The following ARHGAP19 variants were observed in gnomAD, a reference collection of about 807,000 sequenced individuals.
The protein encoded by ARHGAP19 is Rho GTPase activating protein 19.
ARHGAP19 carries 48 observed loss-of-function variants against 60.9 expected under a neutral mutation model. The ratio of observed to expected loss-of-function variants is 0.79; its 90% CI spans 0.62 to 1.00. The LOEUF (loss-of-function observed/expected upper bound fraction) is 1.00. ARHGAP19 is among the 50% of genes least tolerant of loss of function. The pLI, the probability that ARHGAP19 is intolerant of heterozygous loss-of-function variation, is 0.00. For synonymous variants in ARHGAP19, 209 were observed against 215.5 expected (o/e 0.97, Z 0.27); for missense variants, 562 against 597.2 (o/e 0.94, Z 0.61).
chr10:97,270,693 C>T (rs1842950382), intron 1 of ARHGAP19: 1 of 1,540,370 alleles, frequency 6.5e-7, no homozygotes, highest in Admixed American at 2.1e-5. Context: ...CAAAGAAACT[C>T]TCCTTTCCCT....
chr10:97,226,406 G>A (rs1193741159), intron 11 of ARHGAP19, among the ~76,000 whole-genome samples: 1 of 152,150 alleles, frequency 6.6e-6, no homozygotes, highest in Non-Finnish European at 1.5e-5. Flanking sequence ...ACAATAACCA[G>A]TATATGAGGT....
chr10:97,250,717 A>C lies in ARHGAP19; in HGVS notation c.928-4380T>G, dbSNP rs1042717843. On this transcript the variant is annotated intron_variant, in intron 6 of 11. Coordinates refer to ENST00000358531, the MANE Select transcript of ARHGAP19 (RefSeq NM_032900.6). ...ATTGAAAAACTATAAAACGGAGCTT[A>C]AGACCAACAGAAATTTTCTCCAAAC... Among the ~76,000 whole-genome samples the C allele has an allele frequency of 6.7e-5, 10 of 149,466 alleles. 1 individual carries two copies. The highest frequency in any genetic ancestry group is 4.7e-4 in the Admixed American group (7 of 14,762).
In ARHGAP19 at chr10:97,264,783, T is replaced by G. The variant is rs777261584; in HGVS notation, c.403+43A>C. The G allele has an allele frequency of 6.8e-6, 10 of 1,476,666 alleles. No individual in the cohort carries two copies. In the Admixed American group the frequency reaches 1.0e-4, roughly 15 times the overall value. 91.5% of individuals were successfully genotyped at this position (1,476,666 alleles called of 1,614,324 possible). On this transcript the variant is annotated intron_variant, in intron 3 of 11. Coordinates refer to ENST00000358531, the MANE Select transcript of ARHGAP19 (RefSeq NM_032900.6). ...AGTTAGCTCTCAACAGAAAACAGAA[T>G]TCTTCATTAAACAAAGAATGATAAA... is the stretch of plus-strand genomic sequence containing the variant.
At chr10:97,260,053 T>C (rs557870490) in intron 4 of ARHGAP19, among the ~76,000 whole-genome samples, 42 of 150,178 alleles carry the variant, frequency 2.8e-4, no homozygotes, top group Admixed American at 1.4e-3. Flanking sequence ...GTCAGGATGG[T>C]CTCGATCTCC....
At chr10:97,235,957 G>C (rs1842371798) in intron 8 of ARHGAP19, among the ~76,000 whole-genome samples, 1 of 152,058 alleles carries the variant, frequency 6.6e-6, no homozygotes, top group Non-Finnish European at 1.5e-5. Flanking sequence ...CTACTCTTCT[G>C]CCTTTTCAGA....
At position 97,246,275 on chromosome 10, in the gene ARHGAP19, T is replaced by C. The variant is rs774903050; in HGVS notation, c.990A>G (p.Ser330=). The C allele has an allele frequency of 6.2e-7, 1 of 1,613,434 alleles. No homozygotes were observed. Residue 330 remains serine (S), a synonymous_variant, in exon 7 of 12, where the codon TCA becomes TCG. Coordinates refer to ENST00000358531, the MANE Select transcript of ARHGAP19 (RefSeq NM_032900.6). ...LHYLGSRTQA[S]KDDLDLIASC... is the part of the protein sequence containing the mutation. ...AAGAGCAGATTCCTATTCTTACCTT[T>C]GATGCCTGAGTTCTGGATCCCAAAT...
intron 9 of ARHGAP19, among the ~76,000 whole-genome samples, chr10:97,231,418 T>A (rs1345160857): frequency 2.0e-5 from 3 of 152,108 alleles, no homozygotes; most frequent in Non-Finnish European, 4.4e-5. Flanking sequence ...AACTTTCTCA[T>A]CCTCCCAAAC....
intron 1 of ARHGAP19, among the ~76,000 whole-genome samples, chr10:97,283,159 A>G (rs572528727): frequency 1.3e-5 from 2 of 152,242 alleles, no homozygotes; most frequent in Non-Finnish European, 2.9e-5. Flanking sequence ...TGTAGTTTCT[A>G]TGGCCTAGCT....
rs1404177007 is a variant in ARHGAP19, at chr10:97,226,097, A to T, written c.*25T>A. ...CCACTAAACAGAAAATTCTGCATGG[A>T]CCATAGGAGACAACTCTGGATCCTT... is the stretch of plus-strand genomic sequence containing the variant. On this transcript the variant is annotated 3_prime_UTR_variant, in exon 12 of 12. Coordinates refer to ENST00000358531, the MANE Select transcript of ARHGAP19 (RefSeq NM_032900.6). The T allele has an allele frequency of 3.1e-6, 5 of 1,613,204 alleles. No individual in the cohort carries two copies. The highest frequency in any genetic ancestry group is 4.2e-6 in the Non-Finnish European group (5 of 1,179,368).
At chr10:97,236,926 A>C (rs1842389484) in intron 8 of ARHGAP19, among the ~76,000 whole-genome samples, 1 of 152,112 alleles carries the variant, frequency 6.6e-6, no homozygotes, top group South Asian at 2.1e-4. Context: ...TGAACACAGG[A>C]CTGTGAAACA....
At chr10:97,272,494 A>T (rs1433127305) in intron 1 of ARHGAP19, among the ~76,000 whole-genome samples, 1 of 152,160 alleles carries the variant, frequency 6.6e-6, no homozygotes, top group Non-Finnish European at 1.5e-5. Context: ...AATATGTGAC[A>T]GAATTGGCAG....
At chr10:97,245,180 C>T (rs1196655182) in intron 7 of ARHGAP19, among the ~76,000 whole-genome samples, 1 of 151,874 alleles carries the variant, frequency 6.6e-6, no homozygotes, top group Non-Finnish European at 1.5e-5. Context: ...TAATTTTTTG[C>T]ATTTTTGGTA....
intron 6 of ARHGAP19, among the ~76,000 whole-genome samples, chr10:97,251,326 G>A (rs1347285659): frequency 1.1e-4 from 6 of 52,824 alleles, no homozygotes; most frequent in Admixed American, 5.2e-4. Flanking sequence ...GGAAGGGAAG[G>A]GGAAAGGGAA....
chr10:97,291,506 C>G (rs1843231949), intron 1 of ARHGAP19, among the ~76,000 whole-genome samples: 3 of 152,160 alleles, frequency 2.0e-5, no homozygotes, highest in Admixed American at 2.0e-4. Context: ...GTTCGCCAGG[C>G]TGGTCTCGAA....
chr10:97,230,917 C>CGTG (rs1460795521), intron 9 of ARHGAP19, among the ~76,000 whole-genome samples: 5 of 151,890 alleles, frequency 3.3e-5, no homozygotes, highest in Non-Finnish European at 7.4e-5. Flanking sequence ...ATTAACTGGG[C>CGTG]GTGGTGGTGC....
Position 97,242,358 on chromosome 10 carries a change from G to A in ARHGAP19, c.1185+1610C>T, listed in dbSNP as rs12241243. On this transcript the variant is annotated intron_variant, in intron 8 of 11. Coordinates refer to ENST00000358531, the MANE Select transcript of ARHGAP19 (RefSeq NM_032900.6). The stretch of plus-strand genomic sequence containing the variant: ...TTTTTTTTTTTTTTTTTTGAGACGG[G>A]GTTTCGCTCTTGTTGCCCAGGCTGG... 1.3e-4 allele frequency among the ~76,000 whole-genome samples: 18 copies of A among 135,502 alleles called. No individual in the cohort carries two copies. In the South Asian group the frequency reaches 2.7e-3, roughly 21 times the overall value. The allele number at this position is 135,502 out of a possible 152,430, so 88.9% of individuals were successfully genotyped here. A position where few individuals can be genotyped will look rare whatever the true frequency, so the allele number is the denominator to read the frequency against.
In ARHGAP19 at chr10:97,258,949, G is replaced by C. The variant is rs116533317; in HGVS notation, c.840+453C>G. On this transcript the variant is annotated intron_variant, in intron 5 of 11. Transcript: ENST00000358531. ...ATATCTACAGGAAATACAAAAGTCA[G>C]GACAAGGCAGGATTGCTCCAAGTGT... Among the ~76,000 whole-genome samples, 296 of 152,278 alleles carry C rather than the reference G, an allele frequency of 1.9e-3. 2 individuals are homozygous for C. The highest frequency in any genetic ancestry group is 5.8e-3 in the African/African-American group (240 of 41,554).
At position 97,256,418 on chromosome 10, in the gene ARHGAP19, A is replaced by G; in HGVS notation, c.841-14T>C. 1.3e-6 allele frequency: 2 copies of G among 1,584,856 alleles called. No homozygotes were observed. Among genetic ancestry groups the G allele is most frequent in the East Asian group, 2.2e-5 (1 of 44,702 alleles). ...ATTTGCAGTGACCTATTCAGAGGAA[A>G]AGAAACCAAACAATGGACATTAAGA... On this transcript the variant is annotated splice_polypyrimidine_tract_variant and intron_variant, in intron 5 of 11. Transcript: ENST00000358531.
intron 1 of ARHGAP19, among the ~76,000 whole-genome samples, chr10:97,268,243 C>G (rs1842922887): frequency 6.6e-6 from 1 of 152,186 alleles, no homozygotes; most frequent in Non-Finnish European, 1.5e-5. Context: ...TCATCTCCAT[C>G]TGAGACCACC....
Sources: allele counts gnomAD v4.1 joint callset (sites outside exome capture counted in the v4.1 genomes callset), GRCh38; gene constraint gnomAD v4.1.1; transcripts MANE v1.5; gene names NCBI Gene and HGNC (gene_info 2026-07-23, HGNC 2026-07-21).